Variants in MRPS27 observed in about 807,000 individuals in gnomAD.
MRPS27 encodes small ribosomal subunit protein mS27.
A neutral mutation model predicts 48.9 loss-of-function variants in MRPS27; 43 were observed. The observed-to-expected ratio is 0.88, with a 90% confidence interval of 0.69 to 1.13. MRPS27 has a LOEUF of 1.13. Ranked by LOEUF, MRPS27 falls within the 50% of genes most tolerant of loss-of-function variation. The pLI is 0.00. For synonymous variants in MRPS27, 188 were observed against 171.9 expected (o/e 1.09, Z -0.73); for missense variants, 467 against 476.3 (o/e 0.98, Z 0.18).
intron 4 of MRPS27, among the ~76,000 whole-genome samples, chr5:72,254,816 AT>A (rs1748754342): frequency 6.6e-6 from 1 of 152,118 alleles, no homozygotes; most frequent in Non-Finnish European, 1.5e-5. Context: ...TGAGTTAAAA[AT>A]TTGATTTGAG....
At chr5:72,221,483 T>C (rs1747740288) in intron 10 of MRPS27, among the ~76,000 whole-genome samples, 1 of 152,208 alleles carries the variant, frequency 6.6e-6, no homozygotes, top group South Asian at 2.1e-4. Flanking sequence ...TGGAACTCCA[T>C]ATGCTGTGTC....
chr5:72,303,978 A>G (rs1750189829), intron 2 of MRPS27, among the ~76,000 whole-genome samples: 1 of 152,018 alleles, frequency 6.6e-6, no homozygotes, highest in African/African-American at 2.4e-5. Context: ...ACTAAAGGAA[A>G]TTTTTAGAAC....
At chr5:72,283,801 T>C (rs1462969762) in intron 4 of MRPS27, among the ~76,000 whole-genome samples, 3 of 152,058 alleles carry the variant, frequency 2.0e-5, no homozygotes, top group Admixed American at 1.3e-4. Flanking sequence ...TCAATACTTC[T>C]ATCATGTACA....
At chr5:72,306,988 C>T (rs1299709570) in intron 2 of MRPS27, among the ~76,000 whole-genome samples, 1 of 152,020 alleles carries the variant, frequency 6.6e-6, no homozygotes, top group Non-Finnish European at 1.5e-5. Context: ...CACATAGCAA[C>T]CAATTGTATT....
chr5:72,311,121 A>G (rs1193520034), intron 2 of MRPS27, among the ~76,000 whole-genome samples: 1 of 152,258 alleles, frequency 6.6e-6, no homozygotes. Flanking sequence ...ATGCTATGAG[A>G]GACCCTATTA....
chr5:72,297,075 TTACA>T (rs1467619705), intron 3 of MRPS27, among the ~76,000 whole-genome samples: 1 of 152,204 alleles, frequency 6.6e-6, no homozygotes, highest in Non-Finnish European at 1.5e-5. Flanking sequence ...AAACCATGTC[TTACA>T]TAGACTGTTT....
intron 4 of MRPS27, among the ~76,000 whole-genome samples, chr5:72,271,740 G>A (rs186015673): frequency 1.5e-3 from 236 of 152,266 alleles, no homozygotes; most frequent in Middle Eastern, 6.8e-3. Context: ...GGCAAAATCC[G>A]TAAAGTTCAA....
At chr5:72,288,809 G>A (rs909930148) in intron 4 of MRPS27, 3 of 152,184 alleles carry the variant, frequency 2.0e-5, no homozygotes, top group African/African-American at 7.2e-5. Context: ...AAAAATTTAA[G>A]ATTACCTTTT....
intron 4 of MRPS27, among the ~76,000 whole-genome samples, chr5:72,270,229 T>C (rs1749201908): frequency 6.8e-6 from 1 of 147,338 alleles, no homozygotes; most frequent in Admixed American, 6.8e-5. Flanking sequence ...ATAATAATAA[T>C]AATAATATTA....
At chr5:72,307,037 TA>T (rs1009669105) in intron 2 of MRPS27, among the ~76,000 whole-genome samples, 18 of 147,228 alleles carry the variant, frequency 1.2e-4, no homozygotes, top group East Asian at 3.9e-4. Context: ...AACCAAATCA[TA>T]AAAAAAAAAA....
chr5:72,280,357 A>G (rs1205289278), intron 4 of MRPS27, among the ~76,000 whole-genome samples: 1 of 152,220 alleles, frequency 6.6e-6, no homozygotes, highest in Non-Finnish European at 1.5e-5. Flanking sequence ...ATATACTTAA[A>G]AGACTGGCAA....
chr5:72,308,567 G>A (rs1029822962), intron 2 of MRPS27, among the ~76,000 whole-genome samples: 1 of 152,202 alleles, frequency 6.6e-6, no homozygotes, highest in Non-Finnish European at 1.5e-5. Flanking sequence ...CGGGGCGGCG[G>A]ATTCCCGCAG....
At chr5:72,265,247 T>C (rs1327963113) in intron 4 of MRPS27, among the ~76,000 whole-genome samples, 1 of 152,162 alleles carries the variant, frequency 6.6e-6, no homozygotes, top group African/African-American at 2.4e-5. Context: ...ACCTGAGTAA[T>C]ACAAACTAAG....
In MRPS27 at chr5:72,237,934, C is replaced by T. The variant is rs1748245514; in HGVS notation, c.396+80G>A. On this transcript the variant is annotated intron_variant, in intron 5 of 10. Transcript: ENST00000261413. ...TTTTAAAGTTATTTCTGGTGTTATT[C>T]TTTGCTGTACTACAATAGGTACAAA... is the stretch of plus-strand genomic sequence containing the variant. 5.4e-6 allele frequency: 5 copies of T among 931,424 alleles called. No individual in the cohort carries two copies. The East Asian group carries it at 1.2e-4, about 23-fold the overall frequency. 57.7% of individuals were successfully genotyped at this position (931,424 alleles called of 1,614,324 possible).
At chr5:72,288,308 T>C (rs922412288) in intron 4 of MRPS27, among the ~76,000 whole-genome samples, 2 of 151,964 alleles carry the variant, frequency 1.3e-5, no homozygotes, top group Non-Finnish European at 2.9e-5. Flanking sequence ...CCTGGGTTCA[T>C]GCCGTTCTCC....
chr5:72,270,730 T>C (rs561062707), intron 4 of MRPS27, among the ~76,000 whole-genome samples: 1 of 152,328 alleles, frequency 6.6e-6, no homozygotes, highest in African/African-American at 2.4e-5. Flanking sequence ...CCAGTCTTAC[T>C]GACAACATAG....
chr5:72,238,020 T>G lies in MRPS27; in HGVS notation c.390A>C (p.Val130=). ...DAQDKALYTL[V]NKVQYGIFPD... ...GATCCACGGAACAACTCACCTTATT[T>G]ACAAGGGTATATAGGGCTTTGTCTT... Residue 130 remains valine (V), a synonymous_variant, in exon 5 of 11, where the codon GTA becomes GTC. Transcript: ENST00000261413. 6.2e-7 allele frequency: 1 copy of G among 1,609,358 alleles called. No homozygotes were observed. The highest frequency in any genetic ancestry group is 8.5e-7 in the Non-Finnish European group (1 of 1,175,948).
At chr5:72,312,365 T>C (rs1372716888) in intron 2 of MRPS27, among the ~76,000 whole-genome samples, 2 of 152,004 alleles carry the variant, frequency 1.3e-5, no homozygotes, top group Non-Finnish European at 2.9e-5. Context: ...TTACCAAGAG[T>C]TGTTCATTCT....
At chr5:72,235,474 G>T (rs1205849339) in intron 5 of MRPS27, among the ~76,000 whole-genome samples, 2 of 152,134 alleles carry the variant, frequency 1.3e-5, no homozygotes, top group African/African-American at 4.8e-5. Flanking sequence ...ACAACATCAA[G>T]AGTGAACCCT....
Sources: allele counts gnomAD v4.1 joint callset (sites outside exome capture counted in the v4.1 genomes callset), GRCh38; gene constraint gnomAD v4.1.1; transcripts MANE v1.5; gene names NCBI Gene and HGNC (gene_info 2026-07-23, HGNC 2026-07-21).